MOBP: variants seen among roughly 807,000 people sequenced by gnomAD.
MOBP encodes the protein myelin-associated oligodendrocyte basic protein.
MOBP carries 5 observed loss-of-function variants against 15.0 expected under a neutral mutation model. The observed-to-expected ratio is 0.33, with a 90% CI of 0.17 to 0.70. MOBP has a LOEUF of 0.70. Among genes scored for constraint, MOBP ranks in the 30% least tolerant of loss-of-function variants. The pLI is 0.67. For missense variants in MOBP, 188 were observed against 257.8 expected (o/e 0.73, Z 1.85); for synonymous variants, 88 against 99.0 (o/e 0.89, Z 0.66).
intron 2 of MOBP, among the ~76,000 whole-genome samples, chr3:39,490,960 G>A (rs2042787130): frequency 6.6e-6 from 1 of 152,144 alleles, no homozygotes; most frequent in Admixed American, 6.5e-5. Flanking sequence ...TTAGGAAAAA[G>A]GAAAGGGAAG....
downstream of MOBP, among the ~76,000 whole-genome samples, chr3:39,519,202 A>G (rs2043237355): frequency 1.3e-5 from 2 of 152,196 alleles, no homozygotes; most frequent in Middle Eastern, 3.2e-3. Context: ...TCTTTTTACT[A>G]TAATTCACCC....
At chr3:39,517,993 T>C (rs766966156), downstream of MOBP, among the ~76,000 whole-genome samples, 1 of 152,244 alleles carries the variant, frequency 6.6e-6, no homozygotes, top group Non-Finnish European at 1.5e-5. Flanking sequence ...GCTTAAGTAG[T>C]GGCCTTACTT....
chr3:39,529,028 G>A (rs1399201876), downstream of MOBP: 2 of 152,242 alleles, frequency 1.3e-5, no homozygotes, highest in Non-Finnish European at 2.9e-5. Flanking sequence ...AGGTGGCAAA[G>A]CAGAATCAGC....
chr3:39,518,847 C>T (rs149175841), downstream of MOBP, among the ~76,000 whole-genome samples: 513 of 152,336 alleles, frequency 3.4e-3, 7 homozygotes, highest in African/African-American at 0.012. Flanking sequence ...GAAGTCCATT[C>T]ACAACCAATT....
At chr3:39,508,037 G>A (rs1370776018) in intron 4 of MOBP, among the ~76,000 whole-genome samples, 3 of 152,176 alleles carry the variant, frequency 2.0e-5, no homozygotes, top group Non-Finnish European at 4.4e-5. Context: ...CACCATGTTT[G>A]TTTTTGGGCA....
intron 4 of MOBP, among the ~76,000 whole-genome samples, chr3:39,510,670 C>CT (rs2043108039): frequency 6.6e-6 from 1 of 151,402 alleles, no homozygotes; most frequent in Non-Finnish European, 1.5e-5. Context: ...TGTGATTTTG[C>CT]TAAACTTACC....
intron 3 of MOBP, among the ~76,000 whole-genome samples, chr3:39,522,938 C>G (rs1336565709): frequency 6.6e-6 from 1 of 152,212 alleles, no homozygotes; most frequent in Admixed American, 6.5e-5. Flanking sequence ...AGCCTAGGAC[C>G]AAGTGCAAAC....
downstream of MOBP, among the ~76,000 whole-genome samples, chr3:39,504,707 G>A (rs2043027551): frequency 6.6e-6 from 1 of 152,170 alleles, no homozygotes; most frequent in Admixed American, 6.5e-5. Flanking sequence ...TAATATATTG[G>A]AGCCACTTCT....
Position 39,502,363 on chromosome 3 carries a change from C to CT in MOBP, c.206+90dup. ...CGCCCCTCCCGCTCCGCACCCCACTCTTCCCCCTAGTCGGCTCCGGGTTAG... is the reference window on the plus strand; with the variant it reads ...CGCCCCTCCCGCTCCGCACCCCACTCTTTCCCCCTAGTCGGCTCCGGGTTAG... On this transcript the variant is annotated intron_variant, in intron 3 of 3. Coordinates refer to ENST00000684792, the MANE Select transcript of MOBP (RefSeq NM_001393704.1). The surrounding 1 kb of genome is among the most constrained non-coding windows in gnomAD (Gnocchi z 6.3). The CT allele has an allele frequency of 6.3e-7, 1 of 1,581,230 alleles. No individual in the cohort carries two copies. Among genetic ancestry groups the CT allele is most frequent in the Non-Finnish European group, 8.6e-7 (1 of 1,164,852 alleles).
intron 2 of MOBP, chr3:39,499,721 T>A (rs2042942493): frequency 4.1e-6 from 1 of 246,132 alleles, no homozygotes; most frequent in Non-Finnish European, 8.0e-6. Flanking sequence ...GATTAGCTGA[T>A]GGCATGACTG....
intron 2 of MOBP, among the ~76,000 whole-genome samples, chr3:39,495,151 T>C (rs1174533362): frequency 1.3e-5 from 2 of 152,200 alleles, no homozygotes; most frequent in African/African-American, 4.8e-5. Flanking sequence ...GCACAGTCTT[T>C]GCAAGCACAC....
chr3:39,499,790 A>G (rs531667328), intron 2 of MOBP: 136 of 328,946 alleles, frequency 4.1e-4, no homozygotes, highest in African/African-American at 2.9e-3. Context: ...TCCTGGCTCT[A>G]TTATGTCTTC....
intron 2 of MOBP, among the ~76,000 whole-genome samples, 182 bp from the exon 3 acceptor site, chr3:39,501,884 T>C (rs991742821): frequency 1.3e-5 from 2 of 152,178 alleles, no homozygotes; most frequent in Non-Finnish European, 2.9e-5. Context: ...ATTAATGAAC[T>C]GTTAGTTGAG....
chr3:39,504,151 G>C (rs1171579320), downstream of MOBP, among the ~76,000 whole-genome samples: 1 of 152,246 alleles, frequency 6.6e-6, no homozygotes, highest in Non-Finnish European at 1.5e-5. Flanking sequence ...AGTTTAATTT[G>C]TGAAGGAAGT....
chr3:39,496,314 T>A (rs13071915), intron 2 of MOBP, among the ~76,000 whole-genome samples: 1 of 150,464 alleles, frequency 6.6e-6, no homozygotes, highest in African/African-American at 2.5e-5. Context: ...TTCTCCTGCC[T>A]CAGCCTCCTG....
intron 2 of MOBP, among the ~76,000 whole-genome samples, chr3:39,501,731 ACT>A (rs2042972496): frequency 6.6e-6 from 1 of 151,932 alleles, no homozygotes; most frequent in Non-Finnish European, 1.5e-5. Flanking sequence ...GCTTTTCCTA[ACT>A]CTAGAATATT....
intron 1 of MOBP, among the ~76,000 whole-genome samples, chr3:39,476,845 A>G (rs185157917): frequency 3.1e-4 from 47 of 152,206 alleles, no homozygotes; most frequent in Admixed American, 6.5e-4. Flanking sequence ...CTCTATTTTA[A>G]CATATCAATA....
At chr3:39,511,316 C>T (rs1489102835) in intron 4 of MOBP, among the ~76,000 whole-genome samples, 1 of 152,178 alleles carries the variant, frequency 6.6e-6, no homozygotes, top group Non-Finnish European at 1.5e-5. Context: ...ACTTTCTTCT[C>T]AAACCCTACA....
In MOBP at chr3:39,502,657, C is replaced by T. The variant is rs1215507928; in HGVS notation, c.329C>T (p.Pro110Leu). The change falls in exon 4 of 4, where the codon CCT (proline) becomes CTT (leucine). Residue 110 changes from proline to leucine, a missense_variant. By Grantham distance (98) the Pro-to-Leu change is moderately conservative. Around this residue, in one of 2 missense-constraint regions of MOBP, gnomAD observed 133 missense variants for 212.5 expected, o/e 0.63. Transcript: ENST00000684792. The surrounding 1 kb of genome is among the most constrained non-coding windows in gnomAD (Gnocchi z 6.3). ...PPRSERQPRSPPRSERQPRSP... is the reference protein window; with the variant it reads ...PPRSERQPRSLPRSERQPRSP... ...AGGTCTGAGCGTCAGCCACGGTCCC[C>T]TCCGAGGTCTGAGCGTCAGCCACGG... The T allele has an allele frequency of 6.5e-7, 1 of 1,532,874 alleles. No homozygotes were observed. Among genetic ancestry groups the T allele is most frequent in the Non-Finnish European group, 8.7e-7 (1 of 1,145,668 alleles). 95.0% of individuals were successfully genotyped at this position (1,532,874 alleles called of 1,614,324 possible).
Sources: gnomAD v4.1 joint callset for allele counts (sites outside exome capture counted in the v4.1 genomes callset) on GRCh38, gnomAD v4.1.1 for gene constraint, gnomAD v4.1.1 regional missense constraint, Gnocchi (gnomAD v3.1) non-coding constraint, MANE v1.5 for transcripts, NCBI Gene and HGNC (gene_info 2026-07-23, HGNC 2026-07-21) for gene names.